The following ACAN variants were observed in gnomAD, a reference collection of about 807,000 sequenced individuals.
The protein encoded by ACAN is aggrecan core protein.
In ACAN, 47 loss-of-function variants were observed where a neutral mutation model predicts 169.1. The ratio of observed to expected loss-of-function variants is 0.28; its 90% CI spans 0.22 to 0.35. The LOEUF (loss-of-function observed/expected upper bound fraction) is 0.35. Among genes scored for constraint, ACAN ranks in the 10% least tolerant of loss-of-function variants. ACAN has a pLI of 1.00. For missense variants in ACAN, 2,716 were observed against 2,759.9 expected (o/e 0.98, Z 0.36); for synonymous variants, 1,115 against 1,112.2 (o/e 1.00, Z -0.05).
At chr15:88,815,569 A>C (rs1164920460) in intron 1 of ACAN, among the ~76,000 whole-genome samples, 1 of 150,562 alleles carries the variant, frequency 6.6e-6, no homozygotes, top group Non-Finnish European at 1.5e-5. Context: ...AAGAAAAAAA[A>C]AAAAAGTAGA....
At chr15:88,822,757 G>A (rs1400018418) in intron 1 of ACAN, among the ~76,000 whole-genome samples, 2 of 152,142 alleles carry the variant, frequency 1.3e-5, no homozygotes, top group African/African-American at 4.8e-5. Context: ...GTTCTATGAG[G>A]TGAGGTCCTT....
rs769447887 is a variant in ACAN, at chr15:88,847,233, C to T, written c.1430-10C>T. On this transcript the variant is annotated splice_polypyrimidine_tract_variant and intron_variant, in intron 7 of 18. Coordinates refer to ENST00000560601, the MANE Select transcript of ACAN (RefSeq NM_001369268.1). Reference sequence around the variant, plus strand: ...TCCCTGAACCTGACCGCTCCCTCCTCCCCACCCAGGGGTCGTCTTCCACTA... The same window carrying T: ...TCCCTGAACCTGACCGCTCCCTCCTTCCCACCCAGGGGTCGTCTTCCACTA... 22 of 1,538,158 alleles carry T rather than the reference C, an allele frequency of 1.4e-5. No homozygotes were observed. The Admixed American group carries it at 2.4e-4, about 17-fold the overall frequency.
chr15:88,855,125 C>T lies in ACAN; in HGVS notation c.2540C>T (p.Pro847Leu), dbSNP rs267604365. 6.2e-7 allele frequency: 1 copy of T among 1,607,554 alleles called. No individual in the cohort carries two copies. Among genetic ancestry groups the T allele is most frequent in the Non-Finnish European group, 8.5e-7 (1 of 1,176,472 alleles). ...GAAGAGCCGTATACACCTTCACCCC[C>T]CGTGCCCAGCTGGACTGAGCTGCCC... ...ASEEPYTPSP[P>L]VPSWTELPSS... Residue 847 changes from proline (P) to leucine (L), a missense_variant, in exon 12 of 19, where the codon CCC (proline) becomes CTC (leucine). Physicochemically the swap from Pro to Leu is moderately conservative, Grantham distance 98 (BLOSUM62 -3). This residue lies in a region of ACAN where 1,283 missense variants were observed against 1,281.5 expected (regional missense o/e 1.00). Coordinates refer to ENST00000560601, the MANE Select transcript of ACAN (RefSeq NM_001369268.1).
Position 88,839,884 on chromosome 15 carries a change from T to C in ACAN, c.455-128T>C. On this transcript the variant is annotated intron_variant, in intron 3 of 18. Transcript: ENST00000560601. This position sits in a 1 kb window ranked among gnomAD's most constrained non-coding sequence, Gnocchi z 4.5. ...ACGTGCAAAGGTGTACAGGGAGTCATGCATCAGCCCAGACCAGCCAGTTCC... is the reference window on the plus strand; with the variant it reads ...ACGTGCAAAGGTGTACAGGGAGTCACGCATCAGCCCAGACCAGCCAGTTCC... The C allele has an allele frequency of 3.7e-6, 4 of 1,086,524 alleles. No homozygotes were observed. Among genetic ancestry groups the C allele is most frequent in the Non-Finnish European group, 5.3e-6 (4 of 756,454 alleles). The allele number at this position is 1,086,524 out of a possible 1,614,324, so 67.3% of individuals were successfully genotyped here.
chr15:88,837,070 G>C (rs1273776503), intron 2 of ACAN, among the ~76,000 whole-genome samples: 2 of 152,188 alleles, frequency 1.3e-5, no homozygotes, highest in Non-Finnish European at 2.9e-5. Flanking sequence ...CCTCCAAGTG[G>C]GCCCAGGCCA....
At chr15:88,863,824 T>A (rs1897241241) in intron 13 of ACAN, among the ~76,000 whole-genome samples, 1 of 152,234 alleles carries the variant, frequency 6.6e-6, no homozygotes, top group South Asian at 2.1e-4. Context: ...TATGCCTTCT[T>A]GACTTAACCA....
chr15:88,824,241 G>A (rs577155576), intron 1 of ACAN, among the ~76,000 whole-genome samples: 2 of 151,666 alleles, frequency 1.3e-5, no homozygotes, highest in South Asian at 2.1e-4. Context: ...GGAGAATGGC[G>A]TGAACCCAGG....
At chr15:88,808,067 T>C (rs1272915311) in intron 1 of ACAN, among the ~76,000 whole-genome samples, 2 of 152,044 alleles carry the variant, frequency 1.3e-5, no homozygotes, top group African/African-American at 4.8e-5. Context: ...TTTCTGTAAT[T>C]GATTTGACTG....
At chr15:88,854,769 T>C (rs1897008635) in intron 11 of ACAN, 83 bp from the exon 12 acceptor site, 1 of 1,317,102 alleles carries the variant, frequency 7.6e-7, no homozygotes, top group Admixed American at 3.6e-5. Context: ...GTGGAAAGAA[T>C]GGAGTTTAGA....
At chr15:88,810,730 G>C (rs1349012812) in intron 1 of ACAN, among the ~76,000 whole-genome samples, 1 of 152,192 alleles carries the variant, frequency 6.6e-6, no homozygotes, top group Non-Finnish European at 1.5e-5. Flanking sequence ...CATCTAAGGA[G>C]CTTTTCAAAA....
rs74028475 is a variant in ACAN, at chr15:88,838,250, C to A, written c.71-413C>A. On this transcript the variant is annotated intron_variant, in intron 2 of 18. Transcript: ENST00000560601. The surrounding 1 kb of genome is among the most constrained non-coding windows in gnomAD (Gnocchi z 5.1). ...CTTTAAAATTGTGTAGATTACTTTT[C>A]TACCCCAACATAATTTTTCCCAAAA... Among the ~76,000 whole-genome samples, 627 of 151,826 alleles carry A rather than the reference C, an allele frequency of 4.1e-3. 5 individuals are homozygous for A. The highest frequency in any genetic ancestry group is 0.014 in the African/African-American group (572 of 41,370).
rs1450868991 is a variant in ACAN, at chr15:88,849,683, A to G, written c.1978A>G (p.Thr660Ala). 2 of 1,613,794 alleles carry G rather than the reference A, an allele frequency of 1.2e-6. No individual in the cohort carries two copies. The highest frequency in any genetic ancestry group is 1.7e-6 in the Non-Finnish European group (2 of 1,179,850). The change falls in exon 10 of 19, where the codon ACG becomes GCG. Residue 660 changes from threonine to alanine, a missense_variant. Around this residue, in one of 3 missense-constraint regions of ACAN, gnomAD observed 1,283 missense variants for 1,281.5 expected, o/e 1.00. Coordinates refer to ENST00000560601, the MANE Select transcript of ACAN (RefSeq NM_001369268.1). The surrounding 1 kb of genome is among the most constrained non-coding windows in gnomAD (Gnocchi z 5.1). The part of the protein sequence containing the change: ...VRTVYLYPNQ[T>A]GLPDPLSRHH... ...AACGGTCTACCTCTACCCTAACCAG[A>G]CGGGCCTCCCAGACCCACTGTCCCG... is the stretch of plus-strand genomic sequence containing the variant.
chr15:88,826,757 C>A (rs978481059), intron 1 of ACAN, among the ~76,000 whole-genome samples: 24 of 152,148 alleles, frequency 1.6e-4, no homozygotes, highest in African/African-American at 5.8e-4. Flanking sequence ...ATCTGAAATT[C>A]CATGAGAACA....
chr15:88,850,070 G>T, intron 10 of ACAN: 1 of 586,640 alleles, frequency 1.7e-6, no homozygotes, highest in Non-Finnish European at 3.0e-6. Flanking sequence ...AGAGAGAGCT[G>T]CAAGAATTAA....
Position 88,872,257 on chromosome 15 carries a change from G to A in ACAN, c.7302+172G>A, listed in dbSNP as rs548644339. On this transcript the variant is annotated intron_variant, in intron 16 of 18. Coordinates refer to ENST00000560601, the MANE Select transcript of ACAN (RefSeq NM_001369268.1). The surrounding 1 kb of genome is among the most constrained non-coding windows in gnomAD (Gnocchi z 5.4). ...CATCTCTGCCTCTGGAACCCAGCCC[G>A]GGGCTGGACAGATTGAGCTAATGAT... Among the ~76,000 whole-genome samples the A allele has an allele frequency of 3.0e-4, 45 of 152,278 alleles. No individual in the cohort carries two copies. The highest frequency in any genetic ancestry group is 1.0e-3 in the African/African-American group (42 of 41,564).
intron 4 of ACAN, among the ~76,000 whole-genome samples, chr15:88,840,435 T>G (rs1429728372): frequency 1.3e-5 from 2 of 152,236 alleles, no homozygotes; most frequent in Non-Finnish European, 2.9e-5. Context: ...TACATGTCAT[T>G]ATTTTTCCTA....
chr15:88,873,981 G>C lies in ACAN; in HGVS notation c.7587G>C (p.Gln2529His). The change falls in exon 18 of 19, where the codon CAG becomes CAC. Residue 2529 changes from glutamine to histidine, a missense_variant. Gln to His is a conservative substitution (Grantham distance 24, BLOSUM62 0). Transcript: ENST00000560601. This position sits in a 1 kb window ranked among gnomAD's most constrained non-coding sequence, Gnocchi z 7.5. Reference protein sequence around the residue: ...VQRHMPTIRCQPSGHWEEPQI... With the variant: ...VQRHMPTIRCHPSGHWEEPQI... ...GCCACATGCCCACCATCCGGTGCCA[G>C]CCCAGCGGGCACTGGGAGGAGCCTC... The C allele has an allele frequency of 6.2e-7, 1 of 1,612,958 alleles. No individual in the cohort carries two copies. The highest frequency in any genetic ancestry group is 8.5e-7 in the Non-Finnish European group (1 of 1,179,824).
rs1241509024 is a variant in ACAN, at chr15:88,874,158, C to G, written c.7630+134C>G. ...AGGGAAGGGAGGTCGGGGGGCTGCT[C>G]AGTCACAAATAGCTGACCACTGCCC... On this transcript the variant is annotated intron_variant, in intron 18 of 18. Coordinates refer to ENST00000560601, the MANE Select transcript of ACAN (RefSeq NM_001369268.1). This position sits in a 1 kb window ranked among gnomAD's most constrained non-coding sequence, Gnocchi z 7.3. The G allele has an allele frequency of 2.3e-6, 3 of 1,280,458 alleles. No individual in the cohort carries two copies. The highest frequency in any genetic ancestry group is 3.3e-6 in the Non-Finnish European group (3 of 915,736). The allele number at this position is 1,280,458 out of a possible 1,614,324, so 79.3% of individuals were successfully genotyped here. A position where few individuals can be genotyped will look rare whatever the true frequency, so the allele number is the denominator to read the frequency against.
rs1003014165 is a variant in ACAN, at chr15:88,843,493, C to A, written c.896C>A (p.Ala299Asp). The A allele has an allele frequency of 9.9e-6, 16 of 1,612,012 alleles. No homozygotes were observed. The highest frequency in any genetic ancestry group is 1.3e-5 in the African/African-American group (1 of 74,918). The change falls in exon 6 of 19, where the codon GCC becomes GAC. Residue 299 changes from alanine (A) to aspartate (D), a missense_variant. By Grantham distance (126) the Ala-to-Asp change is moderately radical. Coordinates refer to ENST00000560601, the MANE Select transcript of ACAN (RefSeq NM_001369268.1). This position sits in a 1 kb window ranked among gnomAD's most constrained non-coding sequence, Gnocchi z 4.0. ...CAGGCTGGCATGGACATGTGCAGCGCCGGCTGGCTGGCCGACCGCAGCGTG... is the reference window on the plus strand; with the variant it reads ...CAGGCTGGCATGGACATGTGCAGCGACGGCTGGCTGGCCGACCGCAGCGTG... ...AWQAGMDMCS[A>D]GWLADRSVRY...
Sources: allele counts gnomAD v4.1 joint callset (sites outside exome capture counted in the v4.1 genomes callset), GRCh38; gene constraint gnomAD v4.1.1; regional missense constraint gnomAD v4.1.1; non-coding constraint Gnocchi (gnomAD v3.1); transcripts MANE v1.5; gene names NCBI Gene and HGNC (gene_info 2026-07-23, HGNC 2026-07-21).